The following DISP3 variants were observed in gnomAD, a reference collection of about 807,000 sequenced individuals.
The protein encoded by DISP3 is protein dispatched homolog 3.
Under a neutral mutation model 135.3 loss-of-function variants are expected in DISP3, and 101 were observed. That is an observed-to-expected ratio of 0.75 (90% CI 0.64 to 0.88). The LOEUF (loss-of-function observed/expected upper bound fraction) is 0.88, where lower values mean the gene tolerates loss of function less well. DISP3 is among the 40% of genes least tolerant of loss of function. The probability of loss-of-function intolerance (pLI) is 0.00; values close to 1 mark genes in which losing one functional copy is unlikely to be tolerated. For synonymous variants in DISP3, 856 were observed against 817.0 expected (o/e 1.05, Z -0.81); for missense variants, 1,713 against 1,878.6 (o/e 0.91, Z 1.63).
At chr1:11,535,407 C>T (rs917933406) in intron 19 of DISP3, 71 bp from the exon 20 acceptor site, 3 of 1,530,362 alleles carry the variant, frequency 2.0e-6, no homozygotes, top group South Asian at 1.3e-5. Flanking sequence ...GGCTGGACTC[C>T]AGACCTCCCT....
chr1:11,534,909 C>A, intron 18 of DISP3, 102 bp from the exon 19 acceptor site: 2 of 1,054,748 alleles, frequency 1.9e-6, no homozygotes, highest in Non-Finnish European at 2.8e-6. Flanking sequence ...ATTTTACAGA[C>A]TGGGAGTCGG....
intron 10 of DISP3, among the ~76,000 whole-genome samples, chr1:11,521,201 C>T (rs947184389): frequency 6.6e-6 from 1 of 150,728 alleles, no homozygotes; most frequent in African/African-American, 2.4e-5. Context: ...GAGGAAGTAA[C>T]GTCTAGGCCA....
At position 11,520,695 on chromosome 1, in the gene DISP3, G is replaced by GTC. The variant is rs1325126182; in HGVS notation, c.2212_2213dup (p.Ile739ProfsTer39). ...GCGCCCTTTCCTCACAGGGCTGTTCGTCTCCATCCTCATCTTGTCCCTGGT... is the reference window on the plus strand; with the variant it reads ...GCGCCCTTTCCTCACAGGGCTGTTCGTCTCTCCATCCTCATCTTGTCCCTGGT... On this transcript the variant is annotated frameshift_variant, in exon 10 of 21. Coordinates refer to ENST00000294484, the MANE Select transcript of DISP3 (RefSeq NM_020780.2). LOFTEE classifies it high-confidence loss of function. The surrounding 1 kb of genome is among the most constrained non-coding windows in gnomAD (Gnocchi z 4.8). 1 of 1,612,940 alleles carries GTC rather than the reference G, an allele frequency of 6.2e-7. No individual in the cohort carries two copies. The highest frequency in any genetic ancestry group is 1.3e-5 in the African/African-American group (1 of 74,856).
intron 3 of DISP3, among the ~76,000 whole-genome samples, chr1:11,511,595 C>T (rs528187386): frequency 7.2e-5 from 11 of 152,282 alleles, no homozygotes; most frequent in East Asian, 1.9e-4. Context: ...GGTACAGCCT[C>T]CTTCCTAGGT....
chr1:11,482,692 A>G (rs1440955624), intron 1 of DISP3, among the ~76,000 whole-genome samples: 1 of 152,016 alleles, frequency 6.6e-6, no homozygotes, highest in East Asian at 1.9e-4. Context: ...TGGTTTCCCC[A>G]CCTGAACCCC....
chr1:11,507,468 C>T (rs754107330), intron 3 of DISP3, among the ~76,000 whole-genome samples: 10 of 152,206 alleles, frequency 6.6e-5, no homozygotes, highest in Non-Finnish European at 1.5e-4. Context: ...CCCACACAGC[C>T]CCAGACTTCT....
At position 11,536,728 on chromosome 1, in the gene DISP3, G is replaced by T; in HGVS notation, c.*42G>T. 4.7e-6 allele frequency: 7 copies of T among 1,477,030 alleles called. No individual in the cohort carries two copies. The highest frequency in any genetic ancestry group is 5.4e-6 in the Non-Finnish European group (6 of 1,116,624). The allele number at this position is 1,477,030 out of a possible 1,614,324, so 91.5% of individuals were successfully genotyped here. On this transcript the variant is annotated 3_prime_UTR_variant, in exon 21 of 21. Transcript: ENST00000294484. The surrounding 1 kb of genome is among the most constrained non-coding windows in gnomAD (Gnocchi z 4.3). ...GACACTTGCACCTTTGGTCCCATGGGTGGGGGACAGGAGCTGCTTCCCAGC... is the reference window on the plus strand; with the variant it reads ...GACACTTGCACCTTTGGTCCCATGGTTGGGGGACAGGAGCTGCTTCCCAGC...
chr1:11,504,417 C>T (rs985697708), intron 3 of DISP3, among the ~76,000 whole-genome samples: 17 of 152,240 alleles, frequency 1.1e-4, no homozygotes, highest in African/African-American at 3.6e-4. Flanking sequence ...GTCAGGCAAG[C>T]TCCTATTCAT....
Position 11,537,451 on chromosome 1 carries a change from T to C in DISP3, c.*765T>C, listed in dbSNP as rs1557626371. On this transcript the variant is annotated 3_prime_UTR_variant, in exon 21 of 21. Coordinates refer to ENST00000294484, the MANE Select transcript of DISP3 (RefSeq NM_020780.2). ...TAAGCCCCTGTCTTTCCCACCTGAC[T>C]CTGAGTGGATGTTTTGGGGGATGGC... 2 of 152,370 alleles carry C rather than the reference T, an allele frequency of 1.3e-5. No individual in the cohort carries two copies. The highest frequency in any genetic ancestry group is 2.9e-5 in the Non-Finnish European group (2 of 68,164). The allele number at this position is 152,370 out of a possible 1,614,324, so 9.4% of individuals were successfully genotyped here. A position where few individuals can be genotyped will look rare whatever the true frequency, so the allele number is the denominator to read the frequency against.
Position 11,536,542 on chromosome 1 carries a change from G to C in DISP3, c.4035G>C (p.Ala1345=). 6.2e-7 allele frequency: 1 copy of C among 1,612,834 alleles called. No homozygotes were observed. Among genetic ancestry groups the C allele is most frequent in the Non-Finnish European group, 8.5e-7 (1 of 1,179,956 alleles). Reference sequence around the variant, plus strand: ...GCACCGCCCTGCTGGGCATCATGGCGCCCAGCTCTTTCACTCGGACCCGGA... The same window carrying C: ...GCACCGCCCTGCTGGGCATCATGGCCCCCAGCTCTTTCACTCGGACCCGGA... The part of the protein sequence containing the change: ...TVSTALLGIM[A]PSSFTRTRTS... The change falls in exon 21 of 21, where the codon GCG becomes GCC. Residue 1345 remains alanine (A), a synonymous_variant. Transcript: ENST00000294484. The surrounding 1 kb of genome is among the most constrained non-coding windows in gnomAD (Gnocchi z 4.3).
In DISP3 at chr1:11,536,895, G is replaced by A. The variant is rs1489597420; in HGVS notation, c.*209G>A. The stretch of plus-strand genomic sequence containing the variant: ...GAGACAGCCGCCACCCCACAGGCCG[G>A]GCTACTGGCAGCCACACTCGGCTTT... On this transcript the variant is annotated 3_prime_UTR_variant, in exon 21 of 21. Transcript: ENST00000294484. The surrounding 1 kb of genome is among the most constrained non-coding windows in gnomAD (Gnocchi z 4.3). The A allele has an allele frequency of 2.9e-6, 2 of 690,926 alleles. No homozygotes were observed. Among genetic ancestry groups the A allele is most frequent in the Non-Finnish European group, 4.6e-6 (2 of 433,804 alleles). 42.8% of individuals were successfully genotyped at this position (690,926 alleles called of 1,614,324 possible). A position where few individuals can be genotyped will look rare whatever the true frequency, so the allele number is the denominator to read the frequency against.
chr1:11,535,019 A>C lies in DISP3; in HGVS notation c.3544A>C (p.Ser1182Arg), dbSNP rs1015493290. The change falls in exon 19 of 21, where the codon AGC becomes CGC. Residue 1182 changes from serine to arginine, a missense_variant. By Grantham distance (110) the Ser-to-Arg change is moderately radical. This residue lies in a region of DISP3 where 1,142 missense variants were observed against 1,384.6 expected (regional missense o/e 0.82). Transcript: ENST00000294484. ...CCTGTCCTCCCTTGCAGGGGTGCAGAGCGCCCTGTGCGGCCTGGTGCTATC... is the reference window on the plus strand; with the variant it reads ...CCTGTCCTCCCTTGCAGGGGTGCAGCGCGCCCTGTGCGGCCTGGTGCTATC... ...QIFMEIVGVQ[S>R]ALCGLVLSLL... The C allele has an allele frequency of 1.3e-6, 2 of 1,584,496 alleles. No homozygotes were observed. Among genetic ancestry groups the C allele is most frequent in the Non-Finnish European group, 1.7e-6 (2 of 1,168,550 alleles).
chr1:11,500,823 G>C (rs1386031847), intron 1 of DISP3, among the ~76,000 whole-genome samples, 167 bp from the exon 2 acceptor site: 3 of 152,156 alleles, frequency 2.0e-5, no homozygotes, highest in African/African-American at 4.8e-5. Context: ...ATTTTTTACC[G>C]GTGGTTTAAT....
rs1455787662 is a variant in DISP3, at chr1:11,534,845, T to C, written c.3536-166T>C. 5.1e-6 allele frequency: 4 copies of C among 792,038 alleles called. No individual in the cohort carries two copies. In the African/African-American group the frequency reaches 6.8e-5, roughly 13 times the overall value. 49.1% of individuals were successfully genotyped at this position (792,038 alleles called of 1,614,324 possible). A position where few individuals can be genotyped will look rare whatever the true frequency, so the allele number is the denominator to read the frequency against. On this transcript the variant is annotated intron_variant, in intron 18 of 20. Coordinates refer to ENST00000294484, the MANE Select transcript of DISP3 (RefSeq NM_020780.2). ...TAGGCTCCGGGCTGAGGGCCTGACC[T>C]GTGTTCTCTTCAACTCCAAACAAGG...
rs185952913 is a variant in DISP3 at position 11,527,410 on chromosome 1, A to G, written c.2798+575A>G. Among the ~76,000 whole-genome samples, 340 of 152,156 alleles carry G rather than the reference A, an allele frequency of 2.2e-3. 2 individuals carry two copies. Among genetic ancestry groups the G allele is most frequent in the African/African-American group, 7.3e-3 (303 of 41,546 alleles). ...TAAAAATACAAAAAATTAGCCAGGC[A>G]TGGTGGCACGCACCTGTAATCCCAG... On this transcript the variant is annotated intron_variant, in intron 13 of 20. Transcript: ENST00000294484.
Position 11,502,761 on chromosome 1 carries a change from C to T in DISP3, c.1180C>T (p.Leu394Phe). The T allele has an allele frequency of 6.2e-7, 1 of 1,614,220 alleles. No homozygotes were observed. Among genetic ancestry groups the T allele is most frequent in the Non-Finnish European group, 8.5e-7 (1 of 1,180,042 alleles). ...GLSADNLKSS[L>F]LRSEILFGAP... is the part of the protein sequence containing the mutation. ...CTCTGCAGACAATCTGAAGAGCTCC[C>T]TCCTGCGCAGTGAGATCCTGTTTGG... The change falls in exon 3 of 21, where the codon CTC becomes TTC. Residue 394 changes from leucine (L) to phenylalanine (F), a missense_variant. By Grantham distance (22) the Leu-to-Phe change is conservative (BLOSUM62 0). Transcript: ENST00000294484.
chr1:11,485,380 G>A (rs1641010138), intron 1 of DISP3, among the ~76,000 whole-genome samples: 1 of 152,228 alleles, frequency 6.6e-6, no homozygotes, highest in Non-Finnish European at 1.5e-5. Context: ...GGGGCATCCA[G>A]CACATACACT....
chr1:11,504,366 C>T (rs1361671192), intron 3 of DISP3, among the ~76,000 whole-genome samples: 1 of 152,212 alleles, frequency 6.6e-6, no homozygotes, highest in Non-Finnish European at 1.5e-5. Flanking sequence ...GTTTTTGTGC[C>T]AGTTATTGCA....
chr1:11,510,585 T>G (rs1052210262), intron 3 of DISP3, among the ~76,000 whole-genome samples: 4 of 152,254 alleles, frequency 2.6e-5, no homozygotes, highest in African/African-American at 9.6e-5. Context: ...GAAAATTGTA[T>G]GTATTTATTT....
Sources: gnomAD v4.1 joint callset for allele counts (sites outside exome capture counted in the v4.1 genomes callset) on GRCh38, gnomAD v4.1.1 for gene constraint, gnomAD v4.1.1 regional missense constraint, Gnocchi (gnomAD v3.1) non-coding constraint, MANE v1.5 for transcripts, NCBI Gene and HGNC (gene_info 2026-07-23, HGNC 2026-07-21) for gene names.